The following SDHA variants were observed in gnomAD, a reference collection of about 807,000 sequenced individuals.
SDHA encodes succinate dehydrogenase complex flavoprotein subunit A.
A neutral mutation model predicts 78.4 loss-of-function variants in SDHA; 48 were observed. The observed-to-expected ratio is 0.61, with a 90% CI of 0.49 to 0.78. The LOEUF (loss-of-function observed/expected upper bound fraction) is 0.78, where lower values mean the gene tolerates loss of function less well. Among genes scored for constraint, SDHA ranks in the 30% least tolerant of loss-of-function variants. The pLI is 0.00. For missense variants in SDHA, 680 were observed against 892.7 expected (o/e 0.76, Z 3.04); for synonymous variants, 326 against 353.9 (o/e 0.92, Z 0.88).
At chr5:243,477 C>T (rs367734945) in intron 11 of SDHA, among the ~76,000 whole-genome samples, 13 of 152,196 alleles carry the variant, frequency 8.5e-5, no homozygotes, top group East Asian at 7.7e-4. Context: ...TTTTGGGGGT[C>T]GGCAGCTGGG....
At chr5:228,622 A>G (rs1735196787) in intron 6 of SDHA, among the ~76,000 whole-genome samples, 1 of 152,194 alleles carries the variant, frequency 6.6e-6, no homozygotes, top group Non-Finnish European at 1.5e-5. Context: ...ACTGTGGCCC[A>G]AAGAGTCAAC....
chr5:222,744 A>G (rs1734790713), intron 1 of SDHA, among the ~76,000 whole-genome samples: 2 of 152,236 alleles, frequency 1.3e-5, no homozygotes, highest in East Asian at 1.9e-4. Flanking sequence ...CAACCTTAGC[A>G]TATGGACAGT....
intron 6 of SDHA, 133 bp from the exon 7 acceptor site, chr5:230,743 T>G (rs1735343737): frequency 1.7e-6 from 2 of 1,182,878 alleles, no homozygotes; most frequent in Non-Finnish European, 2.5e-6. Context: ...GGGGTGTGCG[T>G]GAGTAGGGGG....
At chr5:236,062 T>C (rs1199708661) in intron 9 of SDHA, 2 of 334,840 alleles carry the variant, frequency 6.0e-6, no homozygotes, top group African/African-American at 4.3e-5. Flanking sequence ...TCTCACTCTG[T>C]TGCTTCGGCT....
intron 1 of SDHA, among the ~76,000 whole-genome samples, chr5:221,199 A>C (rs569348007): frequency 9.9e-5 from 15 of 152,224 alleles, no homozygotes; most frequent in Admixed American, 8.5e-4. Flanking sequence ...AAAAGAATCA[A>C]TGAGTATACC....
At position 240,370 on chromosome 5, in the gene SDHA, C is replaced by T. The variant is rs759661610; in HGVS notation, c.1445C>T (p.Pro482Leu). The T allele has an allele frequency of 6.3e-7, 1 of 1,597,786 alleles. No individual in the cohort carries two copies. The highest frequency in any genetic ancestry group is 1.3e-5 in the African/African-American group (1 of 74,536). ...TTTTTTGTTTTAGGAGATAAAGTCC[C>T]TCCAATTAAACCAAACGCTGGGGAA... ...EESCRPGDKV[P>L]PIKPNAGEES... The change falls in exon 11 of 15, where the codon CCT (proline) becomes CTT (leucine). Residue 482 changes from proline to leucine, a missense_variant. Coordinates refer to ENST00000264932, the MANE Select transcript of SDHA (RefSeq NM_004168.4).
At position 256,528 on chromosome 5, in the gene SDHA, G is replaced by A. The variant is rs1290745341; in HGVS notation, c.*108G>A. On this transcript the variant is annotated 3_prime_UTR_variant, in exon 15 of 15. Coordinates refer to ENST00000264932, the MANE Select transcript of SDHA (RefSeq NM_004168.4). ...TCATACGCTTCTGCACTCTGGGGAA[G>A]AAGGAGTACATTGAAGGGAGATTGG... The A allele has an allele frequency of 2.9e-6, 3 of 1,032,362 alleles. No homozygotes were observed. Among genetic ancestry groups the A allele is most frequent in the Non-Finnish European group, 4.5e-6 (3 of 663,828 alleles). 64.0% of individuals were successfully genotyped at this position (1,032,362 alleles called of 1,614,324 possible).
intron 11 of SDHA, among the ~76,000 whole-genome samples, chr5:241,217 A>G (rs954228864): frequency 6.6e-6 from 1 of 152,158 alleles, no homozygotes; most frequent in African/African-American, 2.4e-5. Flanking sequence ...GCTGGCTGTC[A>G]TGGATGAGTC....
chr5:245,257 A>G (rs1193640930), intron 11 of SDHA, among the ~76,000 whole-genome samples: 2 of 152,250 alleles, frequency 1.3e-5, no homozygotes, highest in Non-Finnish European at 2.9e-5. Flanking sequence ...TATACAACCT[A>G]CGGGGACATT....
the SDHA span, among the ~76,000 whole-genome samples, chr5:262,351 G>GCATTACCGTGTGAGCTCCGCCTCCCGC: frequency 3.2e-5 from 1 of 31,392 alleles, no homozygotes; most frequent in Non-Finnish European, 5.9e-5. Flanking sequence ...CCGCCTCCCG[G>GCATTACCGTGTGAGCTCCGCCTCCCGC]CAGAGCATTA....
chr5:244,852 C>A (rs780584341), intron 11 of SDHA, among the ~76,000 whole-genome samples: 24 of 152,138 alleles, frequency 1.6e-4, no homozygotes, highest in Non-Finnish European at 3.4e-4. Context: ...AGTTCTAATT[C>A]CAGAGCAATT....
intron 9 of SDHA, chr5:236,169 C>CG: frequency 2.1e-6 from 1 of 487,032 alleles, no homozygotes; most frequent in Non-Finnish European, 3.8e-6. Flanking sequence ...GGATTACAGG[C>CG]ACCCGCCATT....
chr5:239,605 T>C (rs10057626), intron 10 of SDHA, among the ~76,000 whole-genome samples: 1 of 151,216 alleles, frequency 6.6e-6, no homozygotes, highest in Non-Finnish European at 1.5e-5. Flanking sequence ...TGAGAGCACA[T>C]AAGAGTCCAA....
chr5:224,809 C>T (rs1200000728), intron 3 of SDHA: 5 of 471,282 alleles, frequency 1.1e-5, no homozygotes, highest in African/African-American at 3.9e-5. Flanking sequence ...ACCCCAACAC[C>T]TTAAGAAAAG....
chr5:254,633 G>A (rs1281098182), intron 14 of SDHA, 127 bp downstream of exon 14: 11 of 1,425,206 alleles, frequency 7.7e-6, no homozygotes, highest in East Asian at 5.3e-5. Context: ...CGACAGATTC[G>A]AGGCACCGCT....
chr5:251,038 A>C lies in SDHA; in HGVS notation c.1598A>C (p.Gln533Pro), dbSNP rs1395387473. Residue 533 changes from glutamine (Q) to proline (P), a missense_variant, in exon 12 of 15, where the codon CAA becomes CCA. Transcript: ENST00000264932. The stretch of plus-strand genomic sequence containing the variant: ...GTGTTCCGTGTGGGAAGCGTGTTGC[A>C]AGAAGGTTGTGGGAAAATCAGCAAG... ...AAVFRVGSVL[Q>P]EGCGKISKLY... The C allele has an allele frequency of 6.2e-7, 1 of 1,612,020 alleles. No homozygotes were observed. The highest frequency in any genetic ancestry group is 2.2e-5 in the East Asian group (1 of 44,874).
At chr5:245,115 C>T (rs1171896726) in intron 11 of SDHA, among the ~76,000 whole-genome samples, 1 of 152,174 alleles carries the variant, frequency 6.6e-6, no homozygotes, top group Non-Finnish European at 1.5e-5. Flanking sequence ...CTTTAGAGGA[C>T]TTAGTTAATG....
intron 13 of SDHA, among the ~76,000 whole-genome samples, chr5:253,887 G>C (rs572806897): frequency 6.6e-6 from 1 of 152,054 alleles, no homozygotes; most frequent in African/African-American, 2.4e-5. Context: ...ATGGCGAAAC[G>C]TGTCTCTACA....
At chr5:255,538 C>T (rs933355416) in intron 14 of SDHA, among the ~76,000 whole-genome samples, 1 of 151,912 alleles carries the variant, frequency 6.6e-6, no homozygotes, top group African/African-American at 2.4e-5. Context: ...CTCACTGCAG[C>T]CTCAACCTCC....
Sources: allele counts gnomAD v4.1 joint callset (sites outside exome capture counted in the v4.1 genomes callset), GRCh38; gene constraint gnomAD v4.1.1; transcripts MANE v1.5; gene names NCBI Gene and HGNC (gene_info 2026-07-23, HGNC 2026-07-21).